Variants in PPP1R3A observed in about 807,000 individuals in gnomAD.
PPP1R3A encodes the protein RG1.
Under a neutral mutation model 41.7 loss-of-function variants are expected in PPP1R3A, and 29 were observed. That is an observed-to-expected ratio of 0.70 (90% CI 0.52 to 0.95). The LOEUF is 0.95. Among genes scored for constraint, PPP1R3A ranks in the 40% least tolerant of loss-of-function variants. The pLI, the probability that PPP1R3A is intolerant of heterozygous loss-of-function variation, is 0.00. For missense variants in PPP1R3A, 1,352 were observed against 1,292.4 expected, an observed-to-expected ratio of 1.05 and a Z score of -0.71; for synonymous variants, 485 against 453.4, an observed-to-expected ratio of 1.07 and a Z score of -0.89.
chr7:113,906,376 G>A (rs1797146774), intron 1 of PPP1R3A, among the ~76,000 whole-genome samples: 1 of 151,512 alleles, frequency 6.6e-6, no homozygotes, highest in African/African-American at 2.4e-5. Flanking sequence ...TCACCTCCAC[G>A]GCCATATAAT....
chr7:113,877,849 C>T lies in PPP1R3A; in HGVS notation c.3243G>A (p.Leu1081=). 1 of 1,610,464 alleles carries T rather than the reference C, an allele frequency of 6.2e-7. No individual in the cohort carries two copies. Among genetic ancestry groups the T allele is most frequent in the Non-Finnish European group, 8.5e-7 (1 of 1,177,252 alleles). The part of the protein sequence containing the change: ...YTNSKIPYFL[L]FLIFLITVYH... ...AGACAGTTATAAGAAATATCAGAAA[C>T]AAAAGGAAATAAGGTATTTTAGAGT... is the stretch of plus-strand genomic sequence containing the variant. The change falls in exon 4 of 4, where the codon TTG becomes TTA. Residue 1081 remains leucine, a synonymous_variant. Coordinates refer to ENST00000284601, the MANE Select transcript of PPP1R3A (RefSeq NM_002711.4).
At chr7:113,895,019 T>C (rs1796954710) in intron 1 of PPP1R3A, among the ~76,000 whole-genome samples, 1 of 151,960 alleles carries the variant, frequency 6.6e-6, no homozygotes. Flanking sequence ...GAGAGGAATA[T>C]CTTACCCAAT....
chr7:113,904,982 GA>G (rs1797120995), intron 1 of PPP1R3A, among the ~76,000 whole-genome samples: 1 of 151,578 alleles, frequency 6.6e-6, no homozygotes, highest in Non-Finnish European at 1.5e-5. Flanking sequence ...TGAGAAAGTG[GA>G]AAATAAAATA....
chr7:113,904,785 A>G (rs1797118850), intron 1 of PPP1R3A, among the ~76,000 whole-genome samples: 2 of 151,740 alleles, frequency 1.3e-5, no homozygotes, highest in Non-Finnish European at 3.0e-5. Context: ...ATTATATTCT[A>G]TTGTACTAAA....
Position 113,902,237 on chromosome 7 carries a change from C to T in PPP1R3A, c.782+15978G>A, listed in dbSNP as rs76907976. ...CCAACTCCTGAACTCAAGTGATACTCCAGCCTCAGCCTCCCAAGTATATGG... is the reference window on the plus strand; with the variant it reads ...CCAACTCCTGAACTCAAGTGATACTTCAGCCTCAGCCTCCCAAGTATATGG... On this transcript the variant is annotated intron_variant, in intron 1 of 3. Coordinates refer to ENST00000284601, the MANE Select transcript of PPP1R3A (RefSeq NM_002711.4). Among the ~76,000 whole-genome samples the T allele has an allele frequency of 2.9e-3, 433 of 151,882 alleles. 2 individuals carry two copies. Among genetic ancestry groups the T allele is most frequent in the African/African-American group, 1.0e-2 (413 of 41,480 alleles).
In PPP1R3A at chr7:113,879,369, G is replaced by A. The variant is rs576452713; in HGVS notation, c.1723C>T (p.Arg575Trp). The change falls in exon 4 of 4, where the codon CGG becomes TGG. Residue 575 changes from arginine to tryptophan, a missense_variant. Coordinates refer to ENST00000284601, the MANE Select transcript of PPP1R3A (RefSeq NM_002711.4). ...TGAGACACATCTGCTGTGATTGCCCGGGTGGGGATTGCGGTATGTTCGCTC... is the reference window on the plus strand; with the variant it reads ...TGAGACACATCTGCTGTGATTGCCCAGGTGGGGATTGCGGTATGTTCGCTC... ...LLSEHTAIPT[R>W]AITADVSHSP... 15 of 1,613,386 alleles carry A rather than the reference G, an allele frequency of 9.3e-6. No homozygotes were observed. The highest frequency in any genetic ancestry group is 3.3e-5 in the South Asian group (3 of 91,078).
At chr7:113,898,213 T>C (rs1797006840) in intron 1 of PPP1R3A, among the ~76,000 whole-genome samples, 1 of 151,862 alleles carries the variant, frequency 6.6e-6, no homozygotes, top group Admixed American at 6.6e-5. Flanking sequence ...TTCATAAAGT[T>C]TACAGTCTAA....
intron 1 of PPP1R3A, among the ~76,000 whole-genome samples, chr7:113,909,483 G>T (rs942373754): frequency 2.7e-5 from 4 of 150,742 alleles, no homozygotes; most frequent in Admixed American, 6.6e-5. Context: ...GGCTTGGAGA[G>T]TGCCTTAGTT....
rs1160317549 is a variant in PPP1R3A, at chr7:113,919,006, T to G, written c.-10A>C. 6.2e-7 allele frequency: 1 copy of G among 1,605,656 alleles called. No homozygotes were observed. The highest frequency in any genetic ancestry group is 8.5e-7 in the Non-Finnish European group (1 of 1,172,984). ...CTTCAGAAGGCTCCATTGGGCTCTC[T>G]GATATCAAATAAGAGAGAACTGTAC... is the stretch of plus-strand genomic sequence containing the variant. On this transcript the variant is annotated 5_prime_UTR_variant, in exon 1 of 4. Coordinates refer to ENST00000284601, the MANE Select transcript of PPP1R3A (RefSeq NM_002711.4).
At chr7:113,892,355 T>C (rs569548809) in intron 1 of PPP1R3A, among the ~76,000 whole-genome samples, 6 of 152,182 alleles carry the variant, frequency 3.9e-5, no homozygotes, top group Admixed American at 3.3e-4. Context: ...TAAATAATTA[T>C]ATAGTGTATT....
rs1205352327 is a variant in PPP1R3A at position 113,909,076 on chromosome 7, CA to C, written c.782+9138del. Reference sequence around the variant, plus strand: ...ATATGAGGAATGGAAGTCCAAACCCCAGCCTTATGCAATAAACCCATGTAAC... The same window carrying C: ...ATATGAGGAATGGAAGTCCAAACCCCGCCTTATGCAATAAACCCATGTAAC... On this transcript the variant is annotated intron_variant, in intron 1 of 3. Coordinates refer to ENST00000284601, the MANE Select transcript of PPP1R3A (RefSeq NM_002711.4). 2.6e-5 allele frequency among the ~76,000 whole-genome samples: 4 copies of C among 152,000 alleles called. No homozygotes were observed. The East Asian group carries it at 7.8e-4, about 30-fold the overall frequency.
intron 1 of PPP1R3A, among the ~76,000 whole-genome samples, chr7:113,905,030 A>C (rs571761316): frequency 6.6e-6 from 1 of 151,716 alleles, no homozygotes; most frequent in East Asian, 2.0e-4. Flanking sequence ...TCCACAACAC[A>C]TTTTTACTTT....
At chr7:113,908,671 A>G (rs1797186482) in intron 1 of PPP1R3A, among the ~76,000 whole-genome samples, 1 of 151,832 alleles carries the variant, frequency 6.6e-6, no homozygotes, top group Non-Finnish European at 1.5e-5. Flanking sequence ...TTTATTCAAC[A>G]TTTCTTTTCC....
chr7:113,917,646 T>C (rs1192335495), intron 1 of PPP1R3A, among the ~76,000 whole-genome samples: 2 of 152,110 alleles, frequency 1.3e-5, no homozygotes, highest in African/African-American at 4.8e-5. Flanking sequence ...ATCACTGATA[T>C]ACTTATGTCT....
chr7:113,913,662 C>A (rs1196752567), intron 1 of PPP1R3A, among the ~76,000 whole-genome samples: 1 of 152,028 alleles, frequency 6.6e-6, no homozygotes, highest in Non-Finnish European at 1.5e-5. Context: ...GTGTACCCAG[C>A]CATTAGGAAC....
chr7:113,891,107 A>C (rs1006411335), intron 1 of PPP1R3A, among the ~76,000 whole-genome samples: 34 of 150,534 alleles, frequency 2.3e-4, no homozygotes, highest in African/African-American at 3.7e-4. Flanking sequence ...AAAAAAAAAA[A>C]AAAAAAACCC....
Position 113,918,268 on chromosome 7 carries a change from T to C in PPP1R3A, c.729A>G (p.Pro243=). The change falls in exon 1 of 4, where the codon CCA becomes CCG. Residue 243 remains proline (P), a synonymous_variant. Coordinates refer to ENST00000284601, the MANE Select transcript of PPP1R3A (RefSeq NM_002711.4). ...TTTGTCTGTTAGGAACTTCTTTCCA[T>C]GGTTTTACAGGCTCCGGCTCTTGTT... The part of the protein sequence containing the change: ...KKEQEPEPVK[P]WKEVPNRQIK... The C allele has an allele frequency of 5.0e-6, 8 of 1,607,574 alleles. No individual in the cohort carries two copies. The highest frequency in any genetic ancestry group is 5.9e-6 in the Non-Finnish European group (7 of 1,177,868).
chr7:113,877,901 T>A lies in PPP1R3A; in HGVS notation c.3191A>T (p.Asn1064Ile), dbSNP rs746453606. The A allele has an allele frequency of 6.2e-6, 10 of 1,612,866 alleles. No homozygotes were observed. In the Admixed American group the frequency reaches 1.7e-4, roughly 27 times the overall value. ...LPVEESQAQG[N>I]ESLFSKYTNS... ...GGTATATTTTGAAAACAAAGATTCG[T>A]TGCCTTGAGCTTGACTTTCCTCAAC... The change falls in exon 4 of 4, where the codon AAC becomes ATC. Residue 1064 changes from asparagine (N) to isoleucine (I), a missense_variant. Asn to Ile is a moderately radical substitution (Grantham distance 149). Coordinates refer to ENST00000284601, the MANE Select transcript of PPP1R3A (RefSeq NM_002711.4).
Position 113,877,865 on chromosome 7 carries a change from AT to A in PPP1R3A, c.3226del (p.Ile1076TyrfsTer8). 6.2e-7 allele frequency: 1 copy of A among 1,610,928 alleles called. No homozygotes were observed. Among genetic ancestry groups the A allele is most frequent in the Non-Finnish European group, 8.5e-7 (1 of 1,177,430 alleles). On this transcript the variant is annotated frameshift_variant, in exon 4 of 4. Transcript: ENST00000284601. LOFTEE classifies it high-confidence loss of function. ...SLFSKYTNSK[I>X]PYFLLFLIFL... ...TATCAGAAACAAAAGGAAATAAGGT[AT>A]TTTAGAGTTGGTATATTTTGAAAAC...
Sources: allele counts gnomAD v4.1 joint callset (sites outside exome capture counted in the v4.1 genomes callset), GRCh38; gene constraint gnomAD v4.1.1; transcripts MANE v1.5; gene names NCBI Gene and HGNC (gene_info 2026-07-23, HGNC 2026-07-21).